Variants in KLF9 observed in about 807,000 individuals in gnomAD.
KLF9 encodes Krueppel-like factor 9.
In KLF9, 2 loss-of-function variants were observed where a neutral mutation model predicts 17.3. The ratio of observed to expected loss-of-function variants is 0.12; its 90% CI spans 0.05 to 0.36. The LOEUF (loss-of-function observed/expected upper bound fraction) is 0.36. Ranked by LOEUF, KLF9 falls within the 10% of genes least tolerant of loss-of-function variation. KLF9 has a pLI of 1.00. For synonymous variants in KLF9, 138 were observed against 139.2 expected, an observed-to-expected ratio of 0.99 and a Z score of 0.06; for missense variants, 226 against 333.2, an observed-to-expected ratio of 0.68 and a Z score of 2.51.
At chr9:70,412,283 T>A (rs546504786) in intron 1 of KLF9, among the ~76,000 whole-genome samples, 3 of 143,354 alleles carry the variant, frequency 2.1e-5, no homozygotes, top group African/African-American at 7.8e-5. Context: ...TTGATCAGAC[T>A]CCTATGCTGC....
At chr9:70,394,978 T>C (rs1179565266) in intron 1 of KLF9, among the ~76,000 whole-genome samples, 1 of 152,234 alleles carries the variant, frequency 6.6e-6, no homozygotes, top group Non-Finnish European at 1.5e-5. Context: ...GACAAAGTTA[T>C]TTCTGAAGTT....
chr9:70,385,515 CT>C lies in KLF9; in HGVS notation c.*2260del, dbSNP rs2037104230. ...ACAAAAGCCACATTTAGATTTACTCCTGAAACTATAAAGATTGTCTTTCACT... is the reference window on the plus strand; with the variant it reads ...ACAAAAGCCACATTTAGATTTACTCCGAAACTATAAAGATTGTCTTTCACT... On this transcript the variant is annotated 3_prime_UTR_variant, in exon 2 of 2. Coordinates refer to ENST00000377126, the MANE Select transcript of KLF9 (RefSeq NM_001206.4). 1 of 152,620 alleles carries C rather than the reference CT, an allele frequency of 6.6e-6. No homozygotes were observed. Among genetic ancestry groups the C allele is most frequent in the South Asian group, 2.1e-4 (1 of 4,832 alleles). 9.5% of individuals were successfully genotyped at this position (152,620 alleles called of 1,614,324 possible). A position where few individuals can be genotyped will look rare whatever the true frequency, so the allele number is the denominator to read the frequency against.
chr9:70,405,573 C>T (rs2037250143), intron 1 of KLF9, among the ~76,000 whole-genome samples: 1 of 152,154 alleles, frequency 6.6e-6, no homozygotes. Flanking sequence ...CGTGAGCAAA[C>T]TGGTTCTCTC....
In KLF9 at chr9:70,409,159, T is replaced by C. The variant is rs561047330; in HGVS notation, c.505+3700A>G. ...ACATATATATGTATATGTATATATA[T>C]ACACATATATGTATATATATGTATA... is the stretch of plus-strand genomic sequence containing the variant. On this transcript the variant is annotated intron_variant, in intron 1 of 1. Transcript: ENST00000377126. 4.7e-4 allele frequency among the ~76,000 whole-genome samples: 27 copies of C among 57,410 alleles called. 4 individuals are homozygous for C. The South Asian group carries it at 0.014, about 30-fold the overall frequency. The allele number at this position is 57,410 out of a possible 152,430, so 37.7% of individuals were successfully genotyped here.
intron 1 of KLF9, among the ~76,000 whole-genome samples, chr9:70,391,609 G>A (rs1207689077): frequency 6.6e-6 from 1 of 152,156 alleles, no homozygotes; most frequent in Non-Finnish European, 1.5e-5. Flanking sequence ...TTGGAAGTGA[G>A]TTGCTAGTAT....
At chr9:70,400,241 C>T (rs1348766665) in intron 1 of KLF9, among the ~76,000 whole-genome samples, 2 of 152,088 alleles carry the variant, frequency 1.3e-5, no homozygotes, top group African/African-American at 4.8e-5. Context: ...TGGAGAAATC[C>T]ACAGGAGGAC....
Position 70,385,662 on chromosome 9 carries a change from A to C in KLF9, c.*2114T>G, listed in dbSNP as rs968221396. On this transcript the variant is annotated 3_prime_UTR_variant, in exon 2 of 2. Coordinates refer to ENST00000377126, the MANE Select transcript of KLF9 (RefSeq NM_001206.4). The stretch of plus-strand genomic sequence containing the variant: ...TAAAAGGCAGCGTGCAGAGTATCAT[A>C]AGCAGAACCATTCCATGAGCTCAGT... 7 of 152,676 alleles carry C rather than the reference A, an allele frequency of 4.6e-5. No homozygotes were observed. Among genetic ancestry groups the C allele is most frequent in the African/African-American group, 1.7e-4 (7 of 41,458 alleles). The allele number at this position is 152,676 out of a possible 1,614,324, so 9.5% of individuals were successfully genotyped here. A position where few individuals can be genotyped will look rare whatever the true frequency, so the allele number is the denominator to read the frequency against.
chr9:70,413,184 C>T lies in KLF9; in HGVS notation c.180G>A (p.Leu60=), dbSNP rs2037340417. 6.2e-7 allele frequency: 1 copy of T among 1,614,022 alleles called. No individual in the cohort carries two copies. Among genetic ancestry groups the T allele is most frequent in the Admixed American group, 1.7e-5 (1 of 60,008 alleles). ...PGDTWKDYCT[L]VTIAKSLLDL... ...CCAACAAGCTCTTGGCGATGGTGAC[C>T]AGTGTGCAGTAATCCTTCCAGGTGT... is the stretch of plus-strand genomic sequence containing the variant. Residue 60 remains leucine (L), a synonymous_variant, in exon 1 of 2, where the codon CTG becomes CTA. Coordinates refer to ENST00000377126, the MANE Select transcript of KLF9 (RefSeq NM_001206.4). This position sits in a 1 kb window ranked among gnomAD's most constrained non-coding sequence, Gnocchi z 5.6.
chr9:70,412,629 C>T (rs2037331677), intron 1 of KLF9, among the ~76,000 whole-genome samples: 1 of 152,244 alleles, frequency 6.6e-6, no homozygotes. Context: ...ACCGCACTCG[C>T]TCTGCCCGCC....
Position 70,412,938 on chromosome 9 carries a change from C to T in KLF9, c.426G>A (p.Arg142=), listed in dbSNP as rs1261929966. 1 of 1,614,056 alleles carries T rather than the reference C, an allele frequency of 6.2e-7. No individual in the cohort carries two copies. Residue 142 remains arginine (R), a synonymous_variant, in exon 1 of 2, where the codon AGG becomes AGA. Transcript: ENST00000377126. ...CACAGCCACTGTAGGGGCACTTGTG[C>T]CTCTTTTCGGAGGCGTGTTTCCCCT... The part of the protein sequence containing the change: ...AAKGKHASEK[R]HKCPYSGCGK...
intron 1 of KLF9, among the ~76,000 whole-genome samples, chr9:70,390,397 A>G (rs1177060901): frequency 2.0e-5 from 3 of 149,552 alleles, no homozygotes; most frequent in Non-Finnish European, 3.0e-5. Flanking sequence ...TGCAAAGAGG[A>G]AAAAAAAAAG....
intron 1 of KLF9, among the ~76,000 whole-genome samples, chr9:70,412,161 G>A (rs1277401306): frequency 7.2e-6 from 1 of 139,858 alleles, no homozygotes; most frequent in Non-Finnish European, 1.5e-5. Flanking sequence ...TTCAGGGGTG[G>A]AGGGTGCGAC....
chr9:70,397,656 C>T (rs1188888429), intron 1 of KLF9, among the ~76,000 whole-genome samples: 2 of 152,120 alleles, frequency 1.3e-5, no homozygotes, highest in Non-Finnish European at 2.9e-5. Flanking sequence ...GTAGGGTTGC[C>T]CAACAAAGGA....
chr9:70,413,447 C>G lies in KLF9; in HGVS notation c.-84G>C, dbSNP rs975641388. 3.1e-6 allele frequency: 4 copies of G among 1,270,864 alleles called. 1 individual carries two copies. The highest frequency in any genetic ancestry group is 3.0e-4 in the Middle Eastern group (1 of 3,368). The allele number at this position is 1,270,864 out of a possible 1,614,324, so 78.7% of individuals were successfully genotyped here. On this transcript the variant is annotated 5_prime_UTR_variant, in exon 1 of 2. Transcript: ENST00000377126. The surrounding 1 kb of genome is among the most constrained non-coding windows in gnomAD (Gnocchi z 5.6). Reference sequence around the variant, plus strand: ...CGGCTCGCCCTGCCCTGGCCTCGGACGACGAGCGCGGCGCGGCGCGGCACG... The same window carrying G: ...CGGCTCGCCCTGCCCTGGCCTCGGAGGACGAGCGCGGCGCGGCGCGGCACG...
chr9:70,398,894 C>T (rs938853878), intron 1 of KLF9, among the ~76,000 whole-genome samples: 2 of 152,148 alleles, frequency 1.3e-5, no homozygotes, highest in African/African-American at 2.4e-5. Flanking sequence ...CACCCAGTGA[C>T]GTGATCTTGG....
At position 70,413,118 on chromosome 9, in the gene KLF9, G is replaced by A; in HGVS notation, c.246C>T (p.Cys82=). 6.2e-7 allele frequency: 1 copy of A among 1,614,202 alleles called. No homozygotes were observed. The highest frequency in any genetic ancestry group is 8.5e-7 in the Non-Finnish European group (1 of 1,180,026). ...KYRPIQTPSV[C]SDSLESPDED... ...CATCTGGACTTTCCAGACTGTCGCTGCACACGGAGGGGGTCTGGATGGGTC... is the reference window on the plus strand; with the variant it reads ...CATCTGGACTTTCCAGACTGTCGCTACACACGGAGGGGGTCTGGATGGGTC... The change falls in exon 1 of 2, where the codon TGC becomes TGT. Residue 82 remains cysteine (C), a synonymous_variant. Coordinates refer to ENST00000377126, the MANE Select transcript of KLF9 (RefSeq NM_001206.4). The surrounding 1 kb of genome is among the most constrained non-coding windows in gnomAD (Gnocchi z 5.6).
Position 70,409,163 on chromosome 9 carries a change from CAT to C in KLF9, c.505+3694_505+3695del, listed in dbSNP as rs1242543712. On this transcript the variant is annotated intron_variant, in intron 1 of 1. Transcript: ENST00000377126. Reference sequence around the variant, plus strand: ...ATATATGTATATGTATATATATACACATATATGTATATATATGTATACATATA... The same window carrying C: ...ATATATGTATATGTATATATATACACATATGTATATATATGTATACATATA... Among the ~76,000 whole-genome samples, 17 of 39,008 alleles carry C rather than the reference CAT, an allele frequency of 4.4e-4. 1 individual carries two copies. Among genetic ancestry groups the C allele is most frequent in the South Asian group, 2.3e-3 (3 of 1,286 alleles). 25.6% of individuals were successfully genotyped at this position (39,008 alleles called of 152,430 possible).
chr9:70,409,166 ATATG>A (rs1203205756), intron 1 of KLF9, among the ~76,000 whole-genome samples: 1 of 38,822 alleles, frequency 2.6e-5, no homozygotes, highest in Non-Finnish European at 8.7e-5. Flanking sequence ...ATATACACAT[ATATG>A]TATATATATG....
At chr9:70,391,730 C>A (rs1217321450) in intron 1 of KLF9, among the ~76,000 whole-genome samples, 1 of 152,186 alleles carries the variant, frequency 6.6e-6, no homozygotes, top group East Asian at 1.9e-4. Context: ...CTGGCCAAAT[C>A]TGGCCTGCCA....
Sources: allele counts gnomAD v4.1 joint callset (sites outside exome capture counted in the v4.1 genomes callset), GRCh38; gene constraint gnomAD v4.1.1; non-coding constraint Gnocchi (gnomAD v3.1); transcripts MANE v1.5; gene names NCBI Gene and HGNC (gene_info 2026-07-23, HGNC 2026-07-21).